SEL1L: variants seen among roughly 807,000 people sequenced by gnomAD.
SEL1L encodes the protein protein sel-1 homolog 1.
In SEL1L, 52 loss-of-function variants were observed where a neutral mutation model predicts 109.8. The observed-to-expected ratio is 0.47, with a 90% CI of 0.38 to 0.60. The LOEUF (loss-of-function observed/expected upper bound fraction) is 0.60. SEL1L is among the 20% of genes least tolerant of loss of function. SEL1L has a pLI of 0.00. For synonymous variants in SEL1L, 373 were observed against 339.6 expected (o/e 1.10, Z -1.08); for missense variants, 749 against 962.2 (o/e 0.78, Z 2.93).
intron 10 of SEL1L, among the ~76,000 whole-genome samples, chr14:81,496,820 A>C (rs1180392862): frequency 6.6e-6 from 1 of 152,232 alleles, no homozygotes; most frequent in African/African-American, 2.4e-5. Flanking sequence ...AAACAACAGT[A>C]TCTCATGGTA....
intron 6 of SEL1L, among the ~76,000 whole-genome samples, chr14:81,501,772 T>A (rs1884018243): frequency 6.6e-6 from 1 of 152,130 alleles, no homozygotes; most frequent in Admixed American, 6.6e-5. Context: ...ACCAGATATG[T>A]TAGCAACTGA....
Position 81,484,226 on chromosome 14 carries a change from T to C in SEL1L, c.2045A>G (p.Gln682Arg), listed in dbSNP as rs1294178454. The C allele has an allele frequency of 6.2e-7, 1 of 1,604,514 alleles. No individual in the cohort carries two copies. The highest frequency in any genetic ancestry group is 1.7e-5 in the Admixed American group (1 of 59,912). The part of the protein sequence containing the change: ...YMHEKGLGIK[Q>R]DIHLAKRFYD... ...AACGTGTTTGGAAGCCACACTCACC[T>C]GTTTAATGCCCAGTCCTTTCTCATG... is the stretch of plus-strand genomic sequence containing the variant. Residue 682 changes from glutamine to arginine, a missense_variant and splice_region_variant, in exon 19 of 21, where the codon CAG becomes CGG. By Grantham distance (43) the Gln-to-Arg change is conservative. This residue lies in a region of SEL1L where 383 missense variants were observed against 562.5 expected (regional missense o/e 0.68). Coordinates refer to ENST00000336735, the MANE Select transcript of SEL1L (RefSeq NM_005065.6).
intron 20 of SEL1L, 122 bp from the exon 21 acceptor site, chr14:81,477,303 A>ATGTGTGTG (rs10690579): frequency 0.16 from 87,131 of 535,796 alleles, 3,622 homozygotes; most frequent in Non-Finnish European, 0.18. Flanking sequence ...ACGTTTTGCA[A>ATGTGTGTG]TGTGTGTGTG....
chr14:81,509,850 CAA>C (rs1054043103), intron 3 of SEL1L, among the ~76,000 whole-genome samples: 5 of 152,154 alleles, frequency 3.3e-5, no homozygotes, highest in Non-Finnish European at 5.9e-5. Flanking sequence ...CATAAACACA[CAA>C]AGAGATTATG....
In SEL1L at chr14:81,473,885, T is replaced by A. The variant is rs1441551312; in HGVS notation, c.*3087A>T. 3.3e-5 allele frequency: 5 copies of A among 151,612 alleles called. No homozygotes were observed. Among genetic ancestry groups the A allele is most frequent in the African/African-American group, 9.7e-5 (4 of 41,320 alleles). 9.4% of individuals were successfully genotyped at this position (151,612 alleles called of 1,614,324 possible). A position where few individuals can be genotyped will look rare whatever the true frequency, so the allele number is the denominator to read the frequency against. The stretch of plus-strand genomic sequence containing the variant: ...AAAGACAAAGCAAAATAAAAAAAAA[T>A]TCCTATATATATATTAATAAAATAC... On this transcript the variant is annotated 3_prime_UTR_variant, in exon 21 of 21. Coordinates refer to ENST00000336735, the MANE Select transcript of SEL1L (RefSeq NM_005065.6).
At chr14:81,486,110 G>A (rs960348722) in intron 17 of SEL1L, among the ~76,000 whole-genome samples, 179 bp downstream of exon 17, 3 of 152,158 alleles carry the variant, frequency 2.0e-5, no homozygotes, top group Non-Finnish European at 4.4e-5. Flanking sequence ...CAGTCAACTC[G>A]TTATAAAACT....
At chr14:81,510,664 A>C (rs1331478274) in intron 3 of SEL1L, among the ~76,000 whole-genome samples, 1 of 152,152 alleles carries the variant, frequency 6.6e-6, no homozygotes, top group Non-Finnish European at 1.5e-5. Flanking sequence ...TTCTCATTTT[A>C]AGAACTTTTA....
chr14:81,507,750 G>A lies in SEL1L; in HGVS notation c.341-1509C>T, dbSNP rs533365173. 2.0e-5 allele frequency among the ~76,000 whole-genome samples: 3 copies of A among 151,720 alleles called. No individual in the cohort carries two copies. In the South Asian group the frequency reaches 6.2e-4, roughly 31 times the overall value. ...ATGCTGCATGAGAGGTATATGAGAA[G>A]ACCAGAGGTCCAGGACTAAGCCTAA... On this transcript the variant is annotated intron_variant, in intron 3 of 20. Coordinates refer to ENST00000336735, the MANE Select transcript of SEL1L (RefSeq NM_005065.6).
In SEL1L at chr14:81,487,889, C is replaced by T. The variant is rs762330003; in HGVS notation, c.1449G>A (p.Val483=). ...TGGAACCAAGCTGTAGCTGCCCATC[C>T]ACCCAGCCTTGTTCAGCAGCTTTCT... The part of the protein sequence containing the change: ...YFQKAAEQGW[V]DGQLQLGSMY... The change falls in exon 15 of 21, where the codon GTG becomes GTA. Residue 483 remains valine (V), a synonymous_variant. Coordinates refer to ENST00000336735, the MANE Select transcript of SEL1L (RefSeq NM_005065.6). 11 of 1,613,930 alleles carry T rather than the reference C, an allele frequency of 6.8e-6. No homozygotes were observed. The Admixed American group carries it at 1.5e-4, about 22-fold the overall frequency.
rs750252932 is a variant in SEL1L at position 81,490,415 on chromosome 14, G to T, written c.1305C>A (p.Leu435=). 6.2e-7 allele frequency: 1 copy of T among 1,613,924 alleles called. No individual in the cohort carries two copies. Among genetic ancestry groups the T allele is most frequent in the Non-Finnish European group, 8.5e-7 (1 of 1,179,846 alleles). ...DIVPQSNETA[L]HYFKKAADMG... The stretch of plus-strand genomic sequence containing the variant: ...TGTCAGCAGCTTTCTTAAAGTAGTG[G>T]AGAGCTGTCTCATTACTCTGAGGTA... The change falls in exon 13 of 21, where the codon CTC becomes CTA. Residue 435 remains leucine, a synonymous_variant. Coordinates refer to ENST00000336735, the MANE Select transcript of SEL1L (RefSeq NM_005065.6).
At chr14:81,502,636 AAG>A (rs1452623743) in intron 6 of SEL1L, 83 bp downstream of exon 6, 62 of 1,332,568 alleles carry the variant, frequency 4.7e-5, no homozygotes, top group Non-Finnish European at 5.7e-5. Flanking sequence ...GACTTTTTAA[AAG>A]AAGTCAGGAC....
rs1439479674 is a variant in SEL1L, at chr14:81,484,375, C to T, written c.1896G>A (p.Lys632=). 1 of 1,613,750 alleles carries T rather than the reference C, an allele frequency of 6.2e-7. No homozygotes were observed. The highest frequency in any genetic ancestry group is 1.3e-5 in the African/African-American group (1 of 74,912). ...ACCCATAGAAATGGTAGTCTCCGAG[C>T]TTAATTCTAGCCACAGTATAGCCTT... ...ASQGYTVARI[K]LGDYHFYGFG... is the part of the protein sequence containing the mutation. The change falls in exon 19 of 21, where the codon AAG becomes AAA. Residue 632 remains lysine (K), a synonymous_variant. Transcript: ENST00000336735.
intron 4 of SEL1L, among the ~76,000 whole-genome samples, chr14:81,505,841 G>C (rs145748501): frequency 6.6e-6 from 1 of 152,256 alleles, no homozygotes; most frequent in Non-Finnish European, 1.5e-5. Context: ...AACAACCTGT[G>C]TATACCAATG....
At chr14:81,529,735 G>C (rs1228552644) in intron 1 of SEL1L, among the ~76,000 whole-genome samples, 1 of 152,132 alleles carries the variant, frequency 6.6e-6, no homozygotes, top group Non-Finnish European at 1.5e-5. Context: ...TACTAAACTG[G>C]GAAAGCCTAC....
intron 3 of SEL1L, among the ~76,000 whole-genome samples, chr14:81,508,464 A>G (rs1884330751): frequency 6.6e-6 from 1 of 152,016 alleles, no homozygotes; most frequent in Admixed American, 6.6e-5. Flanking sequence ...AGTGTCTGAG[A>G]GCCAGGCACG....
chr14:81,508,763 A>T (rs1383343646), intron 3 of SEL1L, among the ~76,000 whole-genome samples: 1 of 152,254 alleles, frequency 6.6e-6, no homozygotes, highest in Non-Finnish European at 1.5e-5. Context: ...ATGATGGTTT[A>T]AAAGAATTAA....
rs191895965 is a variant in SEL1L, at chr14:81,477,315, G to A, written c.2176-134C>T. 1,643 of 626,648 alleles carry A rather than the reference G, an allele frequency of 2.6e-3. 2 individuals carry two copies. Among genetic ancestry groups the A allele is most frequent in the Non-Finnish European group, 3.6e-3 (1,317 of 365,160 alleles). 38.8% of individuals were successfully genotyped at this position (626,648 alleles called of 1,614,324 possible). A position where few individuals can be genotyped will look rare whatever the true frequency, so the allele number is the denominator to read the frequency against. On this transcript the variant is annotated intron_variant, in intron 20 of 20. Coordinates refer to ENST00000336735, the MANE Select transcript of SEL1L (RefSeq NM_005065.6). ...AAAACGTTTTGCAATGTGTGTGTGT[G>A]TGTGTGTGTGTGTGTGTGTGTTTAA...
Position 81,484,170 on chromosome 14 carries a change from G to A in SEL1L, c.2046+55C>T. On this transcript the variant is annotated intron_variant, in intron 19 of 20. Coordinates refer to ENST00000336735, the MANE Select transcript of SEL1L (RefSeq NM_005065.6). ...AAGTCTATTTTCTATACAAATGCAA[G>A]TATTTTCCCCAATCACAATTATGTG... The A allele has an allele frequency of 1.5e-5, 23 of 1,529,004 alleles. 1 individual carries two copies. In the South Asian group the frequency reaches 2.7e-4, roughly 18 times the overall value. The allele number at this position is 1,529,004 out of a possible 1,614,324, so 94.7% of individuals were successfully genotyped here. A position where few individuals can be genotyped will look rare whatever the true frequency, so the allele number is the denominator to read the frequency against.
intron 8 of SEL1L, 194 bp downstream of exon 8, chr14:81,499,265 G>A (rs1883903551): frequency 8.0e-7 from 1 of 1,245,834 alleles, no homozygotes. Flanking sequence ...AAAAATTGTG[G>A]ACTCCACCAA....
Sources: gnomAD v4.1 joint callset for allele counts (sites outside exome capture counted in the v4.1 genomes callset) on GRCh38, gnomAD v4.1.1 for gene constraint, gnomAD v4.1.1 regional missense constraint, MANE v1.5 for transcripts, NCBI Gene and HGNC (gene_info 2026-07-23, HGNC 2026-07-21) for gene names.